AHDC1: variants seen among roughly 807,000 people sequenced by gnomAD.
AHDC1 encodes the protein transcription factor Gibbin.
AHDC1 carries 7 observed loss-of-function variants against 87.9 expected under a neutral mutation model. The observed-to-expected ratio is 0.08, with a 90% CI of 0.05 to 0.15. The LOEUF is 0.15. AHDC1 is among the 10% of genes least tolerant of loss of function. The pLI is 1.00. For missense variants in AHDC1, 1,841 were observed against 2,253.2 expected (o/e 0.82, Z 3.70); for synonymous variants, 1,051 against 1,006.8 (o/e 1.04, Z -0.83).
Position 27,560,923 on chromosome 1 carries a change from G to C in AHDC1, c.-628-2040C>G, listed in dbSNP as rs1260957823. The stretch of plus-strand genomic sequence containing the variant: ...TGTGTGTGTCTGTGTCACTGTGTTT[G>C]TGTGTGCCTGCTTCCCTCTTCCCTC... On this transcript the variant is annotated intron_variant, in intron 3 of 8. Coordinates refer to ENST00000673934, the MANE Select transcript of AHDC1 (RefSeq NM_001371928.1). This position sits in a 1 kb window ranked among gnomAD's most constrained non-coding sequence, Gnocchi z 4.1. Among the ~76,000 whole-genome samples the C allele has an allele frequency of 1.3e-5, 2 of 152,038 alleles. No individual in the cohort carries two copies. Among genetic ancestry groups the C allele is most frequent in the South Asian group, 4.2e-4 (2 of 4,818 alleles).
At chr1:27,545,378 T>A (rs574356912) in intron 8 of AHDC1, among the ~76,000 whole-genome samples, 1 of 152,090 alleles carries the variant, frequency 6.6e-6, no homozygotes, top group East Asian at 1.9e-4. Flanking sequence ...CAGCCCTGAG[T>A]GGGGAGCAGG....
rs1462534947 is a variant in AHDC1, at chr1:27,565,487, C to A, written c.-628-6604G>T. ...GTCTTGAAGGGAGGCGAGGCACTGTCCTCCACCCAACCCTTAAGGAGACAG... is the reference window on the plus strand; with the variant it reads ...GTCTTGAAGGGAGGCGAGGCACTGTACTCCACCCAACCCTTAAGGAGACAG... On this transcript the variant is annotated intron_variant, in intron 3 of 8. Transcript: ENST00000673934. The surrounding 1 kb of genome is among the most constrained non-coding windows in gnomAD (Gnocchi z 4.6). Among the ~76,000 whole-genome samples the A allele has an allele frequency of 1.3e-5, 2 of 152,210 alleles. No homozygotes were observed. Among genetic ancestry groups the A allele is most frequent in the African/African-American group, 4.8e-5 (2 of 41,442 alleles).
At chr1:27,576,581 C>CAGAGCCT (rs2088757577) in intron 3 of AHDC1, among the ~76,000 whole-genome samples, 1 of 152,226 alleles carries the variant, frequency 6.6e-6, no homozygotes, top group Non-Finnish European at 1.5e-5. Flanking sequence ...CACACAATGT[C>CAGAGCCT]AGAGCCTAAA....
rs1218841133 is a variant in AHDC1, at chr1:27,563,242, C to T, written c.-628-4359G>A. Among the ~76,000 whole-genome samples the T allele has an allele frequency of 4.6e-5, 7 of 151,858 alleles. No homozygotes were observed. The highest frequency in any genetic ancestry group is 8.8e-5 in the Non-Finnish European group (6 of 67,964). Reference sequence around the variant, plus strand: ...CACAGCTGACCAAGACACACACACACGCACGCATGCATGCACACACCCACA... The same window carrying T: ...CACAGCTGACCAAGACACACACACATGCACGCATGCATGCACACACCCACA... On this transcript the variant is annotated intron_variant, in intron 3 of 8. Coordinates refer to ENST00000673934, the MANE Select transcript of AHDC1 (RefSeq NM_001371928.1). The surrounding 1 kb of genome is among the most constrained non-coding windows in gnomAD (Gnocchi z 6.1).
Position 27,550,941 on chromosome 1 carries a change from A to G in AHDC1, c.1175T>C (p.Ile392Thr). ...TCCGGCTTTCCGCCGGCGACACAGG[A>G]TCTTTGGCCTATCAGTGCGCCGCAA... ...YALRRTDRPK[I>T]LCRRRKAGRG... The change falls in exon 8 of 9, where the codon ATC becomes ACC. Residue 392 changes from isoleucine (I) to threonine (T), a missense_variant. Around this residue, in one of 13 missense-constraint regions of AHDC1, gnomAD observed 370 missense variants for 391.5 expected, o/e 0.95. Transcript: ENST00000673934. 1 of 1,599,214 alleles carries G rather than the reference A, an allele frequency of 6.3e-7. No individual in the cohort carries two copies. The highest frequency in any genetic ancestry group is 1.7e-5 in the Admixed American group (1 of 59,606).
intron 3 of AHDC1, among the ~76,000 whole-genome samples, chr1:27,585,186 G>A (rs1441981392): frequency 6.7e-6 from 1 of 149,138 alleles, no homozygotes; most frequent in East Asian, 2.0e-4. Context: ...CTGGGAAGTC[G>A]AGGCTGCAGT....
At position 27,572,224 on chromosome 1, in the gene AHDC1, C is replaced by A. The variant is rs79885478; in HGVS notation, c.-628-13341G>T. On this transcript the variant is annotated intron_variant, in intron 3 of 8. Coordinates refer to ENST00000673934, the MANE Select transcript of AHDC1 (RefSeq NM_001371928.1). Reference sequence around the variant, plus strand: ...GGGAAGGGGTTAAAAGGTCAATTCACGCCTGTTCCTGACTTAGGCACCGTG... The same window carrying A: ...GGGAAGGGGTTAAAAGGTCAATTCAAGCCTGTTCCTGACTTAGGCACCGTG... 6.7e-3 allele frequency among the ~76,000 whole-genome samples: 1,019 copies of A among 152,234 alleles called. 13 individuals are homozygous for A. Among genetic ancestry groups the A allele is most frequent in the African/African-American group, 0.023 (962 of 41,506 alleles).
intron 8 of AHDC1, among the ~76,000 whole-genome samples, chr1:27,545,757 A>G (rs2148243991): frequency 6.6e-6 from 1 of 152,274 alleles, no homozygotes; most frequent in Non-Finnish European, 1.5e-5. Context: ...AAAAAAAAAA[A>G]AAGTTTGCTT....
chr1:27,534,945 G>T (rs1035769351), intron 8 of AHDC1, 29 bp from the exon 9 acceptor site: 1 of 152,166 alleles, frequency 6.6e-6, no homozygotes, highest in African/African-American at 2.4e-5. Flanking sequence ...GAAGAGGCAG[G>T]AGTGAGCGGC....
rs1007622387 is a variant in AHDC1, at chr1:27,552,009, C to T, written c.107G>A (p.Arg36Gln). The T allele has an allele frequency of 1.1e-4, 9 of 81,054 alleles. No homozygotes were observed. Among genetic ancestry groups the T allele is most frequent in the Middle Eastern group, 4.6e-3 (1 of 216 alleles). 5.0% of individuals were successfully genotyped at this position (81,054 alleles called of 1,614,324 possible). ...KYYPGGPPTP[R>Q]PLLPTRPPAS... ...AGGGGGCCGGGTGGGAAGCAGGGGC[C>T]GGGGGGTGGGGGGGCCGCCGGGGTA... Residue 36 changes from arginine (R) to glutamine (Q), a missense_variant, in exon 8 of 9, where the codon CGG (arginine) becomes CAG (glutamine). Physicochemically the swap from Arg to Gln is conservative, Grantham distance 43. This residue lies in a region of AHDC1 where 142 missense variants were observed against 165.6 expected (regional missense o/e 0.86). Coordinates refer to ENST00000673934, the MANE Select transcript of AHDC1 (RefSeq NM_001371928.1).
At chr1:27,543,499 T>G (rs927828547) in intron 8 of AHDC1, among the ~76,000 whole-genome samples, 2 of 152,244 alleles carry the variant, frequency 1.3e-5, no homozygotes, top group Non-Finnish European at 2.9e-5. Context: ...CATTGGGATG[T>G]GACCTGCCTT....
chr1:27,604,194 G>C (rs2089621762), upstream of AHDC1: 2 of 151,570 alleles, frequency 1.3e-5, no homozygotes, highest in South Asian at 3.8e-4. Flanking sequence ...CCAGGGGGGA[G>C]CGCGCGCGCG....
In AHDC1 at chr1:27,562,195, G is replaced by A. The variant is rs974067559; in HGVS notation, c.-628-3312C>T. On this transcript the variant is annotated intron_variant, in intron 3 of 8. Coordinates refer to ENST00000673934, the MANE Select transcript of AHDC1 (RefSeq NM_001371928.1). This position sits in a 1 kb window ranked among gnomAD's most constrained non-coding sequence, Gnocchi z 4.4. ...GCTGGGATGTGTGGGCAGGGGGAGT[G>A]GACGCGCCCAAGCTGGCTCGGCGGG... 1.3e-5 allele frequency among the ~76,000 whole-genome samples: 2 copies of A among 152,116 alleles called. No homozygotes were observed. The highest frequency in any genetic ancestry group is 2.4e-5 in the African/African-American group (1 of 41,402).
In AHDC1 at chr1:27,550,563, G is replaced by A; in HGVS notation, c.1553C>T (p.Thr518Ile). 6.2e-7 allele frequency: 1 copy of A among 1,613,442 alleles called. No homozygotes were observed. The highest frequency in any genetic ancestry group is 8.5e-7 in the Non-Finnish European group (1 of 1,179,690). Residue 518 changes from threonine (T) to isoleucine (I), a missense_variant, in exon 8 of 9, where the codon ACC (threonine) becomes ATC (isoleucine). By Grantham distance (89) the Thr-to-Ile change is moderately conservative. Transcript: ENST00000673934. ...ATTGTTCTTCATCTTCAGCAGCGGGGTGGGCTCAGCCGACACGCGCAGGCC... is the reference window on the plus strand; with the variant it reads ...ATTGTTCTTCATCTTCAGCAGCGGGATGGGCTCAGCCGACACGCGCAGGCC... ...ELGLRVSAEP[T>I]PLLKMKNNGR...
chr1:27,548,557 T>C lies in AHDC1; in HGVS notation c.3559A>G (p.Ser1187Gly). Residue 1187 changes from serine to glycine, a missense_variant, in exon 8 of 9, where the codon AGC becomes GGC. Physicochemically the swap from Ser to Gly is moderately conservative, Grantham distance 56. Coordinates refer to ENST00000673934, the MANE Select transcript of AHDC1 (RefSeq NM_001371928.1). The part of the protein sequence containing the change: ...VGGGGFRRAN[S>G]EASSSEGQSS... ...TGGCCCTCACTACTTGAGGCCTCGCTGTTGGCACGCCGAAACCCCCCGCCA... is the reference window on the plus strand; with the variant it reads ...TGGCCCTCACTACTTGAGGCCTCGCCGTTGGCACGCCGAAACCCCCCGCCA... The C allele has an allele frequency of 6.2e-7, 1 of 1,613,576 alleles. No individual in the cohort carries two copies. Among genetic ancestry groups the C allele is most frequent in the South Asian group, 1.1e-5 (1 of 91,090 alleles).
chr1:27,535,843 C>T (rs1325379111), intron 8 of AHDC1, among the ~76,000 whole-genome samples: 2 of 152,090 alleles, frequency 1.3e-5, no homozygotes, highest in African/African-American at 4.8e-5. Flanking sequence ...CCTACCCAGA[C>T]CCCCAGCTTG....
chr1:27,549,006 A>G lies in AHDC1; in HGVS notation c.3110T>C (p.Phe1037Ser). ...GPCLPPSKAS[F>S]FSSSEGAPFS... is the part of the protein sequence containing the mutation. ...GGGGGCCCCCTCAGAGCTGCTGAAG[A>G]AGGAGGCCTTGCTTGGTGGCAGGCA... is the stretch of plus-strand genomic sequence containing the variant. The change falls in exon 8 of 9, where the codon TTC becomes TCC. Residue 1037 changes from phenylalanine to serine, a missense_variant. This residue lies in a region of AHDC1 where 378 missense variants were observed against 399.0 expected (regional missense o/e 0.95). Transcript: ENST00000673934. 1.9e-6 allele frequency: 3 copies of G among 1,574,308 alleles called. No individual in the cohort carries two copies. Among genetic ancestry groups the G allele is most frequent in the Non-Finnish European group, 2.6e-6 (3 of 1,158,928 alleles).
rs887835593 is a variant in AHDC1, at chr1:27,548,292, C to T, written c.3824G>A (p.Arg1275Gln). The T allele has an allele frequency of 2.5e-6, 4 of 1,606,756 alleles. No homozygotes were observed. In the African/African-American group the frequency reaches 4.0e-5, roughly 16 times the overall value. The change falls in exon 8 of 9, where the codon CGG becomes CAG. Residue 1275 changes from arginine to glutamine, a missense_variant. Arg to Gln is a conservative substitution (Grantham distance 43). This residue lies in a region of AHDC1 where 505 missense variants were observed against 626.2 expected (regional missense o/e 0.81). Transcript: ENST00000673934. Reference sequence around the variant, plus strand: ...CTTGGCTGAGCAGGCCCCACCGCCCCGTCCACCTCGCGGCTGCCGGGGCCC... The same window carrying T: ...CTTGGCTGAGCAGGCCCCACCGCCCTGTCCACCTCGCGGCTGCCGGGGCCC... ...STGPRQPRGG[R>Q]GGGACSAKKE...
chr1:27,579,067 C>T (rs1387756889), intron 3 of AHDC1, among the ~76,000 whole-genome samples: 5 of 141,028 alleles, frequency 3.5e-5, no homozygotes, highest in Admixed American at 2.9e-4. Context: ...TTTTTTAAGA[C>T]AGTGTCTGGC....
Sources: gnomAD v4.1 joint callset for allele counts (sites outside exome capture counted in the v4.1 genomes callset) on GRCh38, gnomAD v4.1.1 for gene constraint, gnomAD v4.1.1 regional missense constraint, Gnocchi (gnomAD v3.1) non-coding constraint, MANE v1.5 for transcripts, NCBI Gene and HGNC (gene_info 2026-07-23, HGNC 2026-07-21) for gene names.